The following CSF1R variants were observed in gnomAD, a reference collection of about 807,000 sequenced individuals.
CSF1R encodes the protein colony stimulating factor 1 receptor.
Under a neutral mutation model 110.0 loss-of-function variants are expected in CSF1R, and 40 were observed. That is an observed-to-expected ratio of 0.36 (90% confidence interval 0.28 to 0.47). CSF1R has a LOEUF of 0.47. CSF1R is among the 20% of genes least tolerant of loss of function. The probability of loss-of-function intolerance (pLI) is 0.99; values close to 1 mark genes in which losing one functional copy is unlikely to be tolerated. For missense variants in CSF1R, 1,052 were observed against 1,253.0 expected, an observed-to-expected ratio of 0.84 and a Z score of 2.42; for synonymous variants, 523 against 503.4, an observed-to-expected ratio of 1.04 and a Z score of -0.52.
chr5:150,053,703 G>T lies in CSF1R; in HGVS notation c.*366C>A, dbSNP rs572624275. ...AGCCCCAAAGAGCCTGGTTTTCTCA[G>T]TATCAGTGTAGCTCCTGGGGACTTC... On this transcript the variant is annotated 3_prime_UTR_variant, in exon 21 of 21. Coordinates refer to ENST00000675795, the MANE Select transcript of CSF1R (RefSeq NM_001288705.3). 102 of 353,126 alleles carry T rather than the reference G, an allele frequency of 2.9e-4. 3 individuals are homozygous for T. In the South Asian group the frequency reaches 2.9e-3, roughly 10 times the overall value. The allele number at this position is 353,126 out of a possible 1,614,324, so 21.9% of individuals were successfully genotyped here.
chr5:150,069,728 A>T, intron 9 of CSF1R, 145 bp downstream of exon 9: 1 of 693,104 alleles, frequency 1.4e-6, no homozygotes, highest in Non-Finnish European at 2.3e-6. Flanking sequence ...TGGCCCAGAG[A>T]GGTGGACCTT....
At chr5:150,098,890 C>T (rs28592810) in intron 1 of CSF1R, among the ~76,000 whole-genome samples, 32,172 of 128,720 alleles carry the variant, frequency 0.25, 4,000 homozygotes, top group Middle Eastern at 0.34. Context: ...ATACAAACAA[C>T]TTTTTTTTTT....
chr5:150,065,974 T>C (rs570096635), intron 10 of CSF1R, among the ~76,000 whole-genome samples: 4 of 152,320 alleles, frequency 2.6e-5, no homozygotes, highest in Non-Finnish European at 5.9e-5. Context: ...TGCGAGGCAG[T>C]TTTCAGTTCC....
chr5:150,090,373 A>C (rs911600667), upstream of CSF1R, among the ~76,000 whole-genome samples: 2 of 152,198 alleles, frequency 1.3e-5, no homozygotes, highest in East Asian at 3.8e-4. Context: ...TGTAACCACC[A>C]CTGTAGTCAA....
chr5:150,056,763 TA>T (rs1356054150), intron 16 of CSF1R, among the ~76,000 whole-genome samples: 3 of 152,172 alleles, frequency 2.0e-5, no homozygotes, highest in African/African-American at 7.2e-5. Context: ...TGCCCATTTT[TA>T]TAGGTGTAGA....
chr5:150,064,559 C>G (rs1450909579), intron 10 of CSF1R, among the ~76,000 whole-genome samples: 1 of 152,192 alleles, frequency 6.6e-6, no homozygotes, highest in African/African-American at 2.4e-5. Context: ...GGGTGCCTTC[C>G]CAGCCCAAAA....
chr5:150,112,731 G>A (rs1030647803), intron 1 of CSF1R, among the ~76,000 whole-genome samples: 5 of 152,180 alleles, frequency 3.3e-5, no homozygotes, highest in South Asian at 2.1e-4. Context: ...CCTTATAGCC[G>A]TCGGGTATTT....
chr5:150,089,139 G>T (rs894224577), upstream of CSF1R, among the ~76,000 whole-genome samples: 3 of 152,148 alleles, frequency 2.0e-5, no homozygotes, highest in African/African-American at 7.2e-5. Flanking sequence ...ACTGAGAGCT[G>T]GTCCCTTTAC....
At chr5:150,068,414 A>G (rs555332684) in intron 9 of CSF1R, 84 bp from the exon 10 acceptor site, 1 of 864,114 alleles carries the variant, frequency 1.2e-6, no homozygotes, top group East Asian at 2.5e-5. Context: ...CCTGGAACAC[A>G]GTGGGTGCTC....
Position 150,086,366 on chromosome 5 carries a change from G to T in CSF1R, c.49+13C>A. 6.2e-7 allele frequency: 1 copy of T among 1,601,268 alleles called. No individual in the cohort carries two copies. Among genetic ancestry groups the T allele is most frequent in the Non-Finnish European group, 8.5e-7 (1 of 1,173,642 alleles). On this transcript the variant is annotated intron_variant, in intron 1 of 20. Coordinates refer to ENST00000675795, the MANE Select transcript of CSF1R (RefSeq NM_001288705.3). ...ACCCCAACAAAGTCCCCCACCCCCC[G>T]TTCTGCTCTTACCATGCCAAGCTGT...
chr5:150,069,806 G>C, intron 9 of CSF1R, 67 bp downstream of exon 9: 1 of 1,250,078 alleles, frequency 8.0e-7, no homozygotes, highest in South Asian at 1.5e-5. Context: ...TGGGGGAGGA[G>C]CCGCCTAAAG....
At chr5:150,084,013 C>T (rs1461753561) in intron 1 of CSF1R, among the ~76,000 whole-genome samples, 2 of 152,148 alleles carry the variant, frequency 1.3e-5, no homozygotes, top group African/African-American at 2.4e-5. Context: ...TTCTCGCCAG[C>T]ATGTCCTTAA....
chr5:150,112,894 C>T (rs1373732215), intron 1 of CSF1R, among the ~76,000 whole-genome samples: 4 of 152,120 alleles, frequency 2.6e-5, no homozygotes, highest in South Asian at 2.1e-4. Flanking sequence ...AGGTCCTTCC[C>T]GCACCCACTC....
intron 1 of CSF1R, among the ~76,000 whole-genome samples, chr5:150,103,473 G>A (rs1014011258): frequency 6.6e-6 from 1 of 152,218 alleles, no homozygotes; most frequent in African/African-American, 2.4e-5. Flanking sequence ...AGTCTTTCCT[G>A]GGACATGGTC....
chr5:150,078,278 C>T lies in CSF1R; in HGVS notation c.593-30G>A, dbSNP rs762666338. On this transcript the variant is annotated intron_variant, in intron 3 of 20. Transcript: ENST00000675795. Reference sequence around the variant, plus strand: ...GACCGGGGGAGAGACCCCTGAACACCCAGGCTCCCTGAACATGATAGAGAT... The same window carrying T: ...GACCGGGGGAGAGACCCCTGAACACTCAGGCTCCCTGAACATGATAGAGAT... 18 of 1,612,734 alleles carry T rather than the reference C, an allele frequency of 1.1e-5. No homozygotes were observed. The East Asian group carries it at 3.8e-4, about 34-fold the overall frequency.
rs1197616987 is a variant in CSF1R at position 150,056,204 on chromosome 5, C to T, written c.2442+15G>A. ...ACCCCCTCCCCAGCCTGGCCCAAGC[C>T]CTCCCAGCACTTACATTGCCCTTGA... On this transcript the variant is annotated intron_variant, in intron 17 of 20. Coordinates refer to ENST00000675795, the MANE Select transcript of CSF1R (RefSeq NM_001288705.3). The T allele has an allele frequency of 3.1e-6, 5 of 1,614,104 alleles. No homozygotes were observed. Among genetic ancestry groups the T allele is most frequent in the Admixed American group, 1.7e-5 (1 of 60,014 alleles).
chr5:150,111,677 C>G (rs1034653801), intron 1 of CSF1R, among the ~76,000 whole-genome samples: 2 of 152,186 alleles, frequency 1.3e-5, no homozygotes, highest in Non-Finnish European at 2.9e-5. Context: ...ACTTGGGAGT[C>G]AGTCTGACCT....
intron 10 of CSF1R, among the ~76,000 whole-genome samples, chr5:150,063,078 G>A (rs1458529235): frequency 6.6e-6 from 1 of 151,962 alleles, no homozygotes; most frequent in Non-Finnish European, 1.5e-5. Context: ...ATGCAGTGGG[G>A]GCAGTCTTGG....
intron 1 of CSF1R, among the ~76,000 whole-genome samples, chr5:150,111,091 T>A (rs1759702738): frequency 6.6e-6 from 1 of 152,194 alleles, no homozygotes; most frequent in Non-Finnish European, 1.5e-5. Context: ...TTAAAAATAA[T>A]TTTTAATTGC....
Sources: allele counts gnomAD v4.1 joint callset (sites outside exome capture counted in the v4.1 genomes callset), GRCh38; gene constraint gnomAD v4.1.1; transcripts MANE v1.5; gene names NCBI Gene and HGNC (gene_info 2026-07-23, HGNC 2026-07-21).